PLEKHH1: variants seen among roughly 807,000 people sequenced by gnomAD.
PLEKHH1 encodes pleckstrin homology, MyTH4 and FERM domain containing H1, also known as pleckstrin homology domain-containing family H member 1.
In PLEKHH1, 104 loss-of-function variants were observed where a neutral mutation model predicts 160.0. That is an observed-to-expected ratio of 0.65 (90% CI 0.55 to 0.76). PLEKHH1 has a LOEUF of 0.76. PLEKHH1 is among the 30% of genes least tolerant of loss of function. The pLI is 0.00. For missense variants in PLEKHH1, 1,427 were observed against 1,724.1 expected (o/e 0.83, Z 3.05); for synonymous variants, 619 against 678.4 (o/e 0.91, Z 1.36).
chr14:67,577,527 A>G (rs763933591), intron 18 of PLEKHH1, 113 bp downstream of exon 18: 1 of 698,748 alleles, frequency 1.4e-6, no homozygotes, highest in Non-Finnish European at 2.5e-6. Flanking sequence ...AAGGGAAGGA[A>G]ACTTCCCAGG....
At position 67,575,492 on chromosome 14, in the gene PLEKHH1, CA is replaced by C; in HGVS notation, c.2169+22del. ...GACAAGGTACTTCTCAGCCTCCTCA[CA>C]ATACCCACTCTCCTGCTTCCCCCGA... is the stretch of plus-strand genomic sequence containing the variant. On this transcript the variant is annotated intron_variant, in intron 15 of 28. Transcript: ENST00000329153. 6.8e-7 allele frequency: 1 copy of C among 1,466,652 alleles called. No homozygotes were observed. The highest frequency in any genetic ancestry group is 1.7e-4 in the Middle Eastern group (1 of 5,816). The allele number at this position is 1,466,652 out of a possible 1,614,324, so 90.9% of individuals were successfully genotyped here.
intron 2 of PLEKHH1, among the ~76,000 whole-genome samples, chr14:67,549,471 A>G (rs993875390): frequency 1.3e-5 from 2 of 152,052 alleles, no homozygotes; most frequent in Admixed American, 6.6e-5. Context: ...GGGTTTCACC[A>G]TGTTGGCCAG....
chr14:67,537,346 A>AAATAATAAT (rs111429286), intron 1 of PLEKHH1, among the ~76,000 whole-genome samples: 34,488 of 126,222 alleles, frequency 0.27, 5,273 homozygotes, highest in Non-Finnish European at 0.35. Context: ...TCCATCTCAA[A>AAATAATAAT]AATAATAATA....
At chr14:67,553,261 G>A (rs2034468753) in intron 2 of PLEKHH1, among the ~76,000 whole-genome samples, 1 of 152,174 alleles carries the variant, frequency 6.6e-6, no homozygotes, top group African/African-American at 2.4e-5. Context: ...TCCTGCTGAA[G>A]TGCAACCTAG....
chr14:67,563,405 C>T (rs1409089672), intron 7 of PLEKHH1, among the ~76,000 whole-genome samples: 1 of 148,634 alleles, frequency 6.7e-6, no homozygotes, highest in Admixed American at 6.7e-5. Context: ...ATTTTTCTTT[C>T]TTTGTTTTTC....
chr14:67,545,012 T>A (rs961325698), intron 2 of PLEKHH1, among the ~76,000 whole-genome samples: 1 of 152,218 alleles, frequency 6.6e-6, no homozygotes, highest in Non-Finnish European at 1.5e-5. Context: ...AATCACAGTT[T>A]GGTTAGATCA....
intron 2 of PLEKHH1, among the ~76,000 whole-genome samples, chr14:67,554,834 C>T (rs576002292): frequency 6.6e-6 from 1 of 152,340 alleles, no homozygotes; most frequent in South Asian, 2.1e-4. Flanking sequence ...GCTTGGGCCA[C>T]TTGGTGTAAT....
chr14:67,552,951 C>T (rs1338598013), intron 2 of PLEKHH1, among the ~76,000 whole-genome samples: 3 of 152,052 alleles, frequency 2.0e-5, no homozygotes, highest in Non-Finnish European at 4.4e-5. Flanking sequence ...TAATAAAATC[C>T]GGAGGGGAAA....
At chr14:67,533,713 A>G (rs2033570573) in intron 1 of PLEKHH1, 1 of 151,972 alleles carries the variant, frequency 6.6e-6, no homozygotes, top group Non-Finnish European at 1.5e-5. Flanking sequence ...CCACCTTGCT[A>G]TCGGTGCTCG....
rs756400907 is a variant in PLEKHH1, at chr14:67,571,895, C to T, written c.1578C>T (p.Ile526=). The change falls in exon 10 of 29, where the codon ATC becomes ATT. Residue 526 remains isoleucine, a synonymous_variant. Coordinates refer to ENST00000329153, the MANE Select transcript of PLEKHH1 (RefSeq NM_020715.3). ...KTSGLGSPRA[I]KRGVSMSSLS... ...GCGGACTAGGCAGCCCCCGGGCCAT[C>T]AAGAGAGGTACAGAGAAGGGGAGCA... 1.4e-5 allele frequency: 23 copies of T among 1,608,922 alleles called. No homozygotes were observed.
chr14:67,549,810 C>T (rs1243064811), intron 2 of PLEKHH1, among the ~76,000 whole-genome samples: 1 of 152,244 alleles, frequency 6.6e-6, no homozygotes, highest in Admixed American at 6.5e-5. Flanking sequence ...CATCCACAAG[C>T]GCTTTCTTTA....
At chr14:67,547,047 A>G (rs955592288) in intron 2 of PLEKHH1, among the ~76,000 whole-genome samples, 3 of 152,146 alleles carry the variant, frequency 2.0e-5, no homozygotes, top group Non-Finnish European at 4.4e-5. Context: ...GGTAAACTGA[A>G]CTTTCATAAT....
At position 67,574,032 on chromosome 14, in the gene PLEKHH1, C is replaced by A; in HGVS notation, c.1926+145C>A. 2.8e-6 allele frequency: 2 copies of A among 712,730 alleles called. No homozygotes were observed. Among genetic ancestry groups the A allele is most frequent in the Non-Finnish European group, 4.8e-6 (2 of 414,322 alleles). 44.2% of individuals were successfully genotyped at this position (712,730 alleles called of 1,614,324 possible). A position where few individuals can be genotyped will look rare whatever the true frequency, so the allele number is the denominator to read the frequency against. ...TGGACGTGATCCTAACTTGTGAGTA[C>A]AAGAAAGGAAGATGAGACAGAATAT... On this transcript the variant is annotated intron_variant, in intron 13 of 28. Transcript: ENST00000329153. The surrounding 1 kb of genome is among the most constrained non-coding windows in gnomAD (Gnocchi z 4.2).
At chr14:67,571,553 GA>G in intron 9 of PLEKHH1, 198 bp from the exon 10 acceptor site, 1 of 529,660 alleles carries the variant, frequency 1.9e-6, no homozygotes, top group East Asian at 2.9e-5. Flanking sequence ...TGGTGTGTGG[GA>G]AGGGAGGCCT....
Position 67,541,937 on chromosome 14 carries a change from C to G in PLEKHH1, c.70C>G (p.Gln24Glu), listed in dbSNP as rs1298824161. Residue 24 changes from glutamine to glutamate, a missense_variant, in exon 2 of 29, where the codon CAG becomes GAG. Physicochemically the swap from Gln to Glu is conservative, Grantham distance 29. Around this residue, in one of 6 missense-constraint regions of PLEKHH1, gnomAD observed 831 missense variants for 929.2 expected, o/e 0.89. Coordinates refer to ENST00000329153, the MANE Select transcript of PLEKHH1 (RefSeq NM_020715.3). ...WQKRCLTLET[Q>E]LFRFRLQASK... is the part of the protein sequence containing the mutation. ...GAAACGCTGCCTGACCCTGGAAACTCAGCTTTTCCGGTTCCGCCTACAGGC... is the reference window on the plus strand; with the variant it reads ...GAAACGCTGCCTGACCCTGGAAACTGAGCTTTTCCGGTTCCGCCTACAGGC... 1 of 1,607,262 alleles carries G rather than the reference C, an allele frequency of 6.2e-7. No homozygotes were observed. Among genetic ancestry groups the G allele is most frequent in the Admixed American group, 1.7e-5 (1 of 59,158 alleles).
At position 67,578,435 on chromosome 14, in the gene PLEKHH1, T is replaced by A; in HGVS notation, c.2752-99T>A. ...ACCCAGAGCAAGTTGGGGGCTCTGG[T>A]TTGGGGAAAGAGTGCTGAAGGCTCT... On this transcript the variant is annotated intron_variant, in intron 19 of 28. Coordinates refer to ENST00000329153, the MANE Select transcript of PLEKHH1 (RefSeq NM_020715.3). The surrounding 1 kb of genome is among the most constrained non-coding windows in gnomAD (Gnocchi z 5.0). The A allele has an allele frequency of 1.1e-6, 1 of 939,410 alleles. No homozygotes were observed. The highest frequency in any genetic ancestry group is 2.0e-5 in the Admixed American group (1 of 49,890). 58.2% of individuals were successfully genotyped at this position (939,410 alleles called of 1,614,324 possible).
Position 67,580,954 on chromosome 14 carries a change from C to T in PLEKHH1, c.3200C>T (p.Ser1067Phe). 1 of 1,612,372 alleles carries T rather than the reference C, an allele frequency of 6.2e-7. No homozygotes were observed. The highest frequency in any genetic ancestry group is 1.3e-5 in the African/African-American group (1 of 74,996). The change falls in exon 23 of 29, where the codon TCC becomes TTC. Residue 1067 changes from serine (S) to phenylalanine (F), a missense_variant. By Grantham distance (155) the Ser-to-Phe change is radical. This residue lies in a region of PLEKHH1 where 436 missense variants were observed against 607.5 expected (regional missense o/e 0.72). Transcript: ENST00000329153. ...QGSVKICDAISKWEQAMKELH... is the reference protein window; with the variant it reads ...QGSVKICDAIFKWEQAMKELH... ...CTTTTCAAGATCTGTGATGCCATCT[C>T]CAAGTGGGAACAAGCCATGAAGGAG...
At chr14:67,577,547 A>T in intron 18 of PLEKHH1, 133 bp downstream of exon 18, 2 of 637,836 alleles carry the variant, frequency 3.1e-6, no homozygotes, top group Admixed American at 2.5e-5. Flanking sequence ...GGTCCCTATC[A>T]CTTCCTGGAT....
chr14:67,578,705 G>A lies in PLEKHH1; in HGVS notation c.2849+74G>A. On this transcript the variant is annotated intron_variant, in intron 20 of 28. Coordinates refer to ENST00000329153, the MANE Select transcript of PLEKHH1 (RefSeq NM_020715.3). This position sits in a 1 kb window ranked among gnomAD's most constrained non-coding sequence, Gnocchi z 5.0. ...CGCATGAATAAGAGGGATGAGAGGA[G>A]TCTAGGGCAGACCAGATCACTCCTG... The A allele has an allele frequency of 3.1e-6, 3 of 953,340 alleles. No individual in the cohort carries two copies. The highest frequency in any genetic ancestry group is 5.0e-6 in the Non-Finnish European group (3 of 601,640). The allele number at this position is 953,340 out of a possible 1,614,324, so 59.1% of individuals were successfully genotyped here.
Sources: gnomAD v4.1 joint callset for allele counts (sites outside exome capture counted in the v4.1 genomes callset) on GRCh38, gnomAD v4.1.1 for gene constraint, gnomAD v4.1.1 regional missense constraint, Gnocchi (gnomAD v3.1) non-coding constraint, MANE v1.5 for transcripts, NCBI Gene and HGNC (gene_info 2026-07-23, HGNC 2026-07-21) for gene names.